CIT: variants seen among roughly 807,000 people sequenced by gnomAD.
CIT encodes the protein citron rho-interacting serine/threonine kinase.
Under a neutral mutation model 272.7 loss-of-function variants are expected in CIT, and 79 were observed. The observed-to-expected ratio is 0.29, with a 90% CI of 0.24 to 0.35. The LOEUF is 0.35. CIT is among the 10% of genes least tolerant of loss of function. The pLI is 1.00. For missense variants in CIT, 1,909 were observed against 2,618.3 expected (o/e 0.73, Z 5.91); for synonymous variants, 948 against 995.6 (o/e 0.95, Z 0.90).
Position 119,825,477 on chromosome 12 carries a change from C to T in CIT, c.754-109G>A, listed in dbSNP as rs1729514829. 4.1e-6 allele frequency: 4 copies of T among 970,626 alleles called. No homozygotes were observed. The South Asian group carries it at 6.4e-5, about 16-fold the overall frequency. The allele number at this position is 970,626 out of a possible 1,614,324, so 60.1% of individuals were successfully genotyped here. On this transcript the variant is annotated intron_variant, in intron 7 of 47. Transcript: ENST00000392521. ...CTGATTTGCCACTGATTACTATTCT[C>T]CCAGGCACTTAAACCAGCTGTCAAG...
At chr12:119,819,965 G>A (rs893870921) in intron 9 of CIT, among the ~76,000 whole-genome samples, 3 of 152,242 alleles carry the variant, frequency 2.0e-5, no homozygotes, top group Admixed American at 6.5e-5. Flanking sequence ...CTGCATAGTC[G>A]GAAATGCCAT....
At chr12:119,861,249 T>C (rs912999026) in intron 3 of CIT, among the ~76,000 whole-genome samples, 2 of 151,918 alleles carry the variant, frequency 1.3e-5, no homozygotes, top group African/African-American at 4.8e-5. Flanking sequence ...GCACTGAATA[T>C]TGAGGTACTG....
chr12:119,765,382 T>C (rs1429894947), intron 19 of CIT, among the ~76,000 whole-genome samples: 1 of 145,458 alleles, frequency 6.9e-6, no homozygotes, highest in Non-Finnish European at 1.5e-5. Flanking sequence ...TATAATATAA[T>C]ATATATTATA....
chr12:119,863,569 C>A (rs138541440), intron 3 of CIT, among the ~76,000 whole-genome samples: 4 of 151,974 alleles, frequency 2.6e-5, no homozygotes, highest in African/African-American at 9.7e-5. Flanking sequence ...ACTCTGTTGC[C>A]AGGCTGGAGT....
rs149216128 is a variant in CIT, at chr12:119,690,907, C to T, written c.5883-453G>A. ...CAGTTTGATAGGCCAGGCGCAGTGGCGCACACCTGTAATCCCAGCACTTTG... is the reference window on the plus strand; with the variant it reads ...CAGTTTGATAGGCCAGGCGCAGTGGTGCACACCTGTAATCCCAGCACTTTG... On this transcript the variant is annotated intron_variant, in intron 46 of 47. Transcript: ENST00000392521. The surrounding 1 kb of genome is among the most constrained non-coding windows in gnomAD (Gnocchi z 6.0). Among the ~76,000 whole-genome samples, 1,160 of 152,308 alleles carry T rather than the reference C, an allele frequency of 7.6e-3. 16 individuals are homozygous for T. Among genetic ancestry groups the T allele is most frequent in the African/African-American group, 0.026 (1,096 of 41,568 alleles).
At chr12:119,788,760 A>G (rs976183875) in intron 10 of CIT, among the ~76,000 whole-genome samples, 1 of 152,226 alleles carries the variant, frequency 6.6e-6, no homozygotes, top group African/African-American at 2.4e-5. Context: ...GAAAGAGACC[A>G]TGCGACAGCC....
chr12:119,849,023 A>G (rs1309837495), intron 5 of CIT, among the ~76,000 whole-genome samples: 9 of 151,792 alleles, frequency 5.9e-5, no homozygotes, highest in Non-Finnish European at 8.8e-5. Flanking sequence ...AAAAGAAGAA[A>G]AGAAAAGAAA....
At chr12:119,805,862 C>G (rs1966564578) in intron 9 of CIT, among the ~76,000 whole-genome samples, 1 of 152,196 alleles carries the variant, frequency 6.6e-6, no homozygotes, top group African/African-American at 2.4e-5. Flanking sequence ...AGGCCAGGCA[C>G]AGTGGCTCAT....
chr12:119,797,944 T>A (rs763185195), intron 10 of CIT, among the ~76,000 whole-genome samples: 2 of 152,230 alleles, frequency 1.3e-5, no homozygotes, highest in Non-Finnish European at 1.5e-5. Flanking sequence ...ATTAACCAAA[T>A]GCTTATTAAG....
chr12:119,791,018 C>G (rs1965261492), intron 10 of CIT, among the ~76,000 whole-genome samples: 1 of 152,206 alleles, frequency 6.6e-6, no homozygotes, highest in Non-Finnish European at 1.5e-5. Flanking sequence ...TCCCCACAAT[C>G]CTATAAGATG....
At chr12:119,787,472 C>T (rs1964897669) in intron 10 of CIT, among the ~76,000 whole-genome samples, 1 of 151,318 alleles carries the variant, frequency 6.6e-6, no homozygotes, top group Non-Finnish European at 1.5e-5. Context: ...TGGCTGATGC[C>T]TGTAATCTCA....
Position 119,714,200 on chromosome 12 carries a change from G to C in CIT, c.4303C>G (p.Leu1435Val). The change falls in exon 33 of 48, where the codon CTC (leucine) becomes GTC (valine). Residue 1435 changes from leucine to valine, a missense_variant. By Grantham distance (32) the Leu-to-Val change is conservative (BLOSUM62 1). Coordinates refer to ENST00000392521, the MANE Select transcript of CIT (RefSeq NM_001206999.2). ...GATGCACAACTACTGATCTTACCGAGACATTTGGATGCCTGGCGTCCAAAG... is the reference window on the plus strand; with the variant it reads ...GATGCACAACTACTGATCTTACCGACACATTTGGATGCCTGGCGTCCAAAG... ...VHFGRQASKC[L>V]ECQVMCHPKC... 1.1e-5 allele frequency: 17 copies of C among 1,614,138 alleles called. No individual in the cohort carries two copies. Among genetic ancestry groups the C allele is most frequent in the Non-Finnish European group, 1.4e-5 (17 of 1,180,022 alleles).
Position 119,804,540 on chromosome 12 carries a change from C to T in CIT, c.1112-1151G>A. 1.0e-6 allele frequency: 1 copy of T among 965,652 alleles called. No individual in the cohort carries two copies. Among genetic ancestry groups the T allele is most frequent in the Non-Finnish European group, 1.2e-6 (1 of 811,786 alleles). The allele number at this position is 965,652 out of a possible 1,614,324, so 59.8% of individuals were successfully genotyped here. A position where few individuals can be genotyped will look rare whatever the true frequency, so the allele number is the denominator to read the frequency against. ...CCGCCAGGGCTCGCTAGAGCTCCCCCTAGGACAGTTGTCACAGCCCTTCAC... is the reference window on the plus strand; with the variant it reads ...CCGCCAGGGCTCGCTAGAGCTCCCCTTAGGACAGTTGTCACAGCCCTTCAC... On this transcript the variant is annotated intron_variant, in intron 9 of 47. Coordinates refer to ENST00000392521, the MANE Select transcript of CIT (RefSeq NM_001206999.2). This position sits in a 1 kb window ranked among gnomAD's most constrained non-coding sequence, Gnocchi z 5.3.
intron 22 of CIT, among the ~76,000 whole-genome samples, chr12:119,754,147 C>G (rs1960634550): frequency 6.6e-6 from 1 of 152,186 alleles, no homozygotes; most frequent in South Asian, 2.1e-4. Flanking sequence ...CAGAACAACT[C>G]ACTAAGGGAG....
At chr12:119,841,427 G>A (rs903878290) in intron 5 of CIT, among the ~76,000 whole-genome samples, 18 of 151,910 alleles carry the variant, frequency 1.2e-4, no homozygotes, top group Non-Finnish European at 2.2e-4. Flanking sequence ...CACTTGCCTC[G>A]GCCTCCCAAA....
chr12:119,784,161 G>A lies in CIT; in HGVS notation c.1402-110C>T, dbSNP rs571754584. 4.0e-4 allele frequency: 639 copies of A among 1,610,356 alleles called. 2 individuals carry two copies. The highest frequency in any genetic ancestry group is 1.1e-3 in the Admixed American group (63 of 59,920). ...TGGTGGTCTGGGCTAAGGCTAATTC[G>A]CCAAAAGTTAAGTTGGGATGGAAAT... On this transcript the variant is annotated intron_variant, in intron 11 of 47. Transcript: ENST00000392521. The surrounding 1 kb of genome is among the most constrained non-coding windows in gnomAD (Gnocchi z 4.7).
At chr12:119,861,416 T>C (rs1472299537) in intron 3 of CIT, among the ~76,000 whole-genome samples, 2 of 152,020 alleles carry the variant, frequency 1.3e-5, no homozygotes, top group East Asian at 3.9e-4. Context: ...AGAAATCCCA[T>C]CTCTACTAAA....
intron 7 of CIT, among the ~76,000 whole-genome samples, chr12:119,827,281 T>A (rs1049287724): frequency 6.6e-6 from 1 of 152,094 alleles, no homozygotes; most frequent in Admixed American, 6.6e-5. Context: ...TGACTTAAGC[T>A]TGAAGAACTG....
chr12:119,832,768 T>C lies in CIT; in HGVS notation c.753+3A>G, dbSNP rs886037895. ...TATTAAGCTATCTTATTCCATTTTT[T>C]ACCATCTTGTTTGAATTCATTTTCG... On this transcript the variant is annotated splice_donor_region_variant and intron_variant, in intron 7 of 47. Coordinates refer to ENST00000392521, the MANE Select transcript of CIT (RefSeq NM_001206999.2). 1 of 1,609,912 alleles carries C rather than the reference T, an allele frequency of 6.2e-7. No individual in the cohort carries two copies.
Sources: gnomAD v4.1 joint callset for allele counts (sites outside exome capture counted in the v4.1 genomes callset) on GRCh38, gnomAD v4.1.1 for gene constraint, Gnocchi (gnomAD v3.1) non-coding constraint, MANE v1.5 for transcripts, NCBI Gene and HGNC (gene_info 2026-07-23, HGNC 2026-07-21) for gene names.